CBLB: variants seen among roughly 807,000 people sequenced by gnomAD.
CBLB encodes the protein E3 ubiquitin-protein ligase CBL-B.
In CBLB, 31 loss-of-function variants were observed where a neutral mutation model predicts 104.9. The observed-to-expected ratio is 0.30, with a 90% CI of 0.22 to 0.40. The LOEUF (loss-of-function observed/expected upper bound fraction) is 0.40, where lower values mean the gene tolerates loss of function less well. Ranked by LOEUF, CBLB falls within the 10% of genes least tolerant of loss-of-function variation. CBLB has a pLI of 1.00. For synonymous variants in CBLB, 440 were observed against 422.6 expected, an observed-to-expected ratio of 1.04 and a Z score of -0.51; for missense variants, 1,062 against 1,214.6, an observed-to-expected ratio of 0.87 and a Z score of 1.87.
intron 3 of CBLB, among the ~76,000 whole-genome samples, chr3:105,789,029 A>G (rs2081340868): frequency 6.6e-6 from 1 of 152,210 alleles, no homozygotes; most frequent in Non-Finnish European, 1.5e-5. Context: ...CCCAACCAAC[A>G]TTATATGAAG....
chr3:105,668,365 A>G (rs2064700929), intron 18 of CBLB, among the ~76,000 whole-genome samples: 1 of 152,166 alleles, frequency 6.6e-6, no homozygotes, highest in African/African-American at 2.4e-5. Flanking sequence ...TATGGAGAAA[A>G]CTGTAAAGAA....
intron 3 of CBLB, among the ~76,000 whole-genome samples, chr3:105,807,835 C>G (rs750262537): frequency 5.3e-5 from 8 of 152,078 alleles, no homozygotes; most frequent in Admixed American, 3.3e-4. Flanking sequence ...TGGTGTAACT[C>G]CATGAATTAT....
intron 4 of CBLB, among the ~76,000 whole-genome samples, chr3:105,758,729 TCTGGGCAAGCCAGTGG>T (rs1379761122): frequency 1.3e-5 from 2 of 152,218 alleles, no homozygotes; most frequent in Admixed American, 6.5e-5. Context: ...AGGCACCGGC[TCTGGGCAAGCCAGTGG>T]CTGGATCTGA....
At chr3:105,708,927 T>C (rs2070647905) in intron 10 of CBLB, among the ~76,000 whole-genome samples, 1 of 151,918 alleles carries the variant, frequency 6.6e-6, no homozygotes, top group East Asian at 1.9e-4. Flanking sequence ...TATTATATTA[T>C]CTCCAAATTT....
intron 3 of CBLB, among the ~76,000 whole-genome samples, chr3:105,814,639 CCTA>C (rs2084767568): frequency 2.0e-5 from 3 of 152,072 alleles, no homozygotes; most frequent in Non-Finnish European, 4.4e-5. Flanking sequence ...TACTGCCATT[CCTA>C]CTGCCATTAT....
intron 4 of CBLB, among the ~76,000 whole-genome samples, chr3:105,770,269 C>T (rs1294901719): frequency 1.3e-5 from 2 of 152,004 alleles, no homozygotes; most frequent in Non-Finnish European, 2.9e-5. Context: ...CTACGTGAGA[C>T]AGGTGAAAAA....
Position 105,743,104 on chromosome 3 carries a change from C to T in CBLB, c.846-2473G>A, listed in dbSNP as rs560495462. On this transcript the variant is annotated intron_variant, in intron 6 of 18. Coordinates refer to ENST00000394030, the MANE Select transcript of CBLB (RefSeq NM_170662.5). ...TTGGCTGGTGGCTACCCCTTCCCAA[C>T]CTCAAGTGAATTTTTGGCTTATTTT... Among the ~76,000 whole-genome samples the T allele has an allele frequency of 1.1e-4, 16 of 152,228 alleles. No individual in the cohort carries two copies. The South Asian group carries it at 3.1e-3, about 30-fold the overall frequency.
At chr3:105,717,673 T>G (rs2072106199) in intron 10 of CBLB, among the ~76,000 whole-genome samples, 1 of 152,168 alleles carries the variant, frequency 6.6e-6, no homozygotes, top group South Asian at 2.1e-4. Flanking sequence ...ATGTGATTTG[T>G]TTGTATTTGT....
intron 3 of CBLB, among the ~76,000 whole-genome samples, chr3:105,802,036 C>A (rs1248707787): frequency 6.6e-6 from 1 of 152,158 alleles, no homozygotes; most frequent in African/African-American, 2.4e-5. Context: ...AATTAGCCAA[C>A]AATAACTCAC....
intron 3 of CBLB, among the ~76,000 whole-genome samples, chr3:105,831,933 A>G (rs1294112194): frequency 6.6e-6 from 1 of 152,134 alleles, no homozygotes; most frequent in Admixed American, 6.5e-5. Context: ...GGAACCAAAT[A>G]AAAATACACA....
At chr3:105,792,641 T>C (rs1056059622) in intron 3 of CBLB, among the ~76,000 whole-genome samples, 4 of 152,192 alleles carry the variant, frequency 2.6e-5, no homozygotes, top group African/African-American at 9.6e-5. Flanking sequence ...ATTCTTCCGA[T>C]GGGTCAACAG....
chr3:105,794,137 A>AACAG (rs1577250036), intron 3 of CBLB, among the ~76,000 whole-genome samples: 1 of 152,242 alleles, frequency 6.6e-6, no homozygotes, highest in East Asian at 1.9e-4. Flanking sequence ...TTATTTGGGC[A>AACAG]TAAAATTCCC....
intron 3 of CBLB, among the ~76,000 whole-genome samples, chr3:105,818,331 T>G (rs529984748): frequency 1.4e-4 from 22 of 152,104 alleles, no homozygotes; most frequent in Non-Finnish European, 2.2e-4. Flanking sequence ...ACATCCACAC[T>G]GATAAAAAGA....
At chr3:105,823,821 A>G (rs1416628665) in intron 3 of CBLB, among the ~76,000 whole-genome samples, 4 of 152,112 alleles carry the variant, frequency 2.6e-5, no homozygotes, top group South Asian at 4.1e-4. Context: ...GAAATTCTCC[A>G]TACCAGGGTA....
In CBLB at chr3:105,809,794, C is replaced by T. The variant is rs371776501; in HGVS notation, c.420-33252G>A. ...GATCAGATGGGGGAAAGGTCATGTA[C>T]ACTGTTTAATAATACCTATAATAAC... On this transcript the variant is annotated intron_variant, in intron 3 of 18. Coordinates refer to ENST00000394030, the MANE Select transcript of CBLB (RefSeq NM_170662.5). Among the ~76,000 whole-genome samples the T allele has an allele frequency of 9.2e-5, 14 of 152,220 alleles. No individual in the cohort carries two copies. The South Asian group carries it at 2.9e-3, about 32-fold the overall frequency.
At chr3:105,864,899 T>A (rs1227051105) in intron 2 of CBLB, among the ~76,000 whole-genome samples, 2 of 152,206 alleles carry the variant, frequency 1.3e-5, no homozygotes, top group Non-Finnish European at 2.9e-5. Context: ...ACACTGAAAT[T>A]GAAGCTTGTG....
chr3:105,786,623 T>C (rs2081061096), intron 3 of CBLB, among the ~76,000 whole-genome samples: 1 of 152,202 alleles, frequency 6.6e-6, no homozygotes, highest in South Asian at 2.1e-4. Context: ...TAGTTCTAAT[T>C]TCATATCTTT....
intron 4 of CBLB, among the ~76,000 whole-genome samples, chr3:105,767,623 A>C (rs1200601072): frequency 6.6e-6 from 1 of 151,234 alleles, no homozygotes; most frequent in African/African-American, 2.4e-5. Context: ...ACAAAGTCAA[A>C]TGTAAATTAC....
chr3:105,724,822 T>C (rs2073376283), intron 9 of CBLB, among the ~76,000 whole-genome samples: 1 of 152,118 alleles, frequency 6.6e-6, no homozygotes, highest in Non-Finnish European at 1.5e-5. Context: ...TCTCTAAATA[T>C]TAATTCATTT....
Sources: allele counts gnomAD v4.1 joint callset (sites outside exome capture counted in the v4.1 genomes callset), GRCh38; gene constraint gnomAD v4.1.1; transcripts MANE v1.5; gene names NCBI Gene and HGNC (gene_info 2026-07-23, HGNC 2026-07-21).